BCL2L1: variants seen among roughly 807,000 people sequenced by gnomAD.
BCL2L1 encodes the protein BCL2 like 1, also known as bcl-2-like protein 1.
A neutral mutation model predicts 18.7 loss-of-function variants in BCL2L1; 1 was observed. The ratio of observed to expected loss-of-function variants is 0.05; its 90% CI spans 0.02 to 0.25. BCL2L1 has a LOEUF of 0.25. Ranked by LOEUF, BCL2L1 falls within the 10% of genes least tolerant of loss-of-function variation. The pLI is 1.00. For missense variants in BCL2L1, 207 were observed against 304.9 expected, an observed-to-expected ratio of 0.68 and a Z score of 2.39; for synonymous variants, 103 against 122.7, an observed-to-expected ratio of 0.84 and a Z score of 1.06.
chr20:31,703,423 C>G (rs2061315801), intron 2 of BCL2L1, among the ~76,000 whole-genome samples: 1 of 151,772 alleles, frequency 6.6e-6, no homozygotes, highest in Non-Finnish European at 1.5e-5. Context: ...AGGTGATCCA[C>G]CTGCTTTGGC....
intron 2 of BCL2L1, among the ~76,000 whole-genome samples, chr20:31,698,749 A>T (rs933945943): frequency 6.6e-6 from 1 of 152,072 alleles, no homozygotes; most frequent in African/African-American, 2.4e-5. Flanking sequence ...CATGTTGCCC[A>T]GGCTGGTCTC....
intron 2 of BCL2L1, among the ~76,000 whole-genome samples, chr20:31,667,266 G>T (rs988439231): frequency 2.6e-5 from 4 of 152,206 alleles, no homozygotes; most frequent in African/African-American, 7.2e-5. Context: ...TTCGAGACCA[G>T]CCTGGCCAAC....
At chr20:31,689,953 G>T (rs2061033398) in intron 2 of BCL2L1, among the ~76,000 whole-genome samples, 1 of 152,254 alleles carries the variant, frequency 6.6e-6, no homozygotes, top group East Asian at 1.9e-4. Flanking sequence ...GGAGGCGGAG[G>T]TTGCGGTGAG....
chr20:31,697,334 T>G (rs185493525), intron 2 of BCL2L1, among the ~76,000 whole-genome samples: 7 of 152,186 alleles, frequency 4.6e-5, no homozygotes, highest in Admixed American at 2.6e-4. Context: ...GGAGCCTGGA[T>G]AGAATATACA....
At chr20:31,688,457 A>G (rs528949120) in intron 2 of BCL2L1, among the ~76,000 whole-genome samples, 27 of 151,664 alleles carry the variant, frequency 1.8e-4, no homozygotes, top group African/African-American at 3.6e-4. Context: ...AAAAAAAAAA[A>G]AAAGAAAGAA....
At chr20:31,684,343 C>T (rs1370982672) in intron 2 of BCL2L1, among the ~76,000 whole-genome samples, 5 of 152,126 alleles carry the variant, frequency 3.3e-5, no homozygotes, top group Admixed American at 1.3e-4. Context: ...GGGGCTGCAC[C>T]GTGGGTGACA....
intron 2 of BCL2L1, among the ~76,000 whole-genome samples, chr20:31,670,940 C>A (rs2122444642): frequency 6.6e-6 from 1 of 152,298 alleles, no homozygotes; most frequent in East Asian, 1.9e-4. Context: ...CCCTACTGCA[C>A]CTTGGGTGGC....
At chr20:31,702,618 A>G (rs559538471) in intron 2 of BCL2L1, among the ~76,000 whole-genome samples, 125 of 151,724 alleles carry the variant, frequency 8.2e-4, no homozygotes, top group Non-Finnish European at 1.4e-3. Context: ...GGTTCAAGTG[A>G]TTCTCCTGCC....
chr20:31,690,068 T>C (rs554293131), intron 2 of BCL2L1, among the ~76,000 whole-genome samples: 1 of 152,208 alleles, frequency 6.6e-6, no homozygotes, highest in South Asian at 2.1e-4. Flanking sequence ...GCCCTGGAAA[T>C]AGTCCTTGGA....
chr20:31,705,689 G>A (rs550068738), intron 2 of BCL2L1, among the ~76,000 whole-genome samples: 1 of 152,282 alleles, frequency 6.6e-6, no homozygotes, highest in Admixed American at 6.5e-5. Context: ...AAAGGTGCTG[G>A]GTGCCAACTA....
chr20:31,705,055 C>T (rs1454768090), intron 2 of BCL2L1, among the ~76,000 whole-genome samples: 1 of 152,160 alleles, frequency 6.6e-6, no homozygotes, highest in African/African-American at 2.4e-5. Context: ...GCAACATTTA[C>T]TAGGGCCTTC....
chr20:31,712,721 G>C (rs1346923687), intron 2 of BCL2L1, among the ~76,000 whole-genome samples: 1 of 152,168 alleles, frequency 6.6e-6, no homozygotes, highest in Non-Finnish European at 1.5e-5. Context: ...CTCCTTGGAA[G>C]GGACACTATG....
At chr20:31,678,377 G>A (rs2060797615) in intron 2 of BCL2L1, among the ~76,000 whole-genome samples, 1 of 152,152 alleles carries the variant, frequency 6.6e-6, no homozygotes, top group Non-Finnish European at 1.5e-5. Context: ...TCCCCTGCCT[G>A]AGACTCTGGG....
rs771450454 is a variant in BCL2L1, at chr20:31,722,268, C to T, written c.-50G>A. 11 of 1,323,754 alleles carry T rather than the reference C, an allele frequency of 8.3e-6. No homozygotes were observed. Among genetic ancestry groups the T allele is most frequent in the Non-Finnish European group, 1.1e-5 (11 of 995,342 alleles). The allele number at this position is 1,323,754 out of a possible 1,614,324, so 82.0% of individuals were successfully genotyped here. A position where few individuals can be genotyped will look rare whatever the true frequency, so the allele number is the denominator to read the frequency against. The stretch of plus-strand genomic sequence containing the variant: ...CAGTCCATTGTCCAAAACACCTGCT[C>T]ACTCACTGAGTCTCGTCTCTGGTTA... On this transcript the variant is annotated 5_prime_UTR_variant, in exon 2 of 3. Coordinates refer to ENST00000307677, the MANE Select transcript of BCL2L1 (RefSeq NM_138578.3).
chr20:31,705,876 TCA>T (rs1185663691), intron 2 of BCL2L1, among the ~76,000 whole-genome samples: 2 of 152,110 alleles, frequency 1.3e-5, no homozygotes, highest in Non-Finnish European at 2.9e-5. Flanking sequence ...TACACATCTC[TCA>T]GTTTCATCAC....
At chr20:31,713,423 T>C (rs2061482377) in intron 2 of BCL2L1, 1 of 985,382 alleles carries the variant, frequency 1.0e-6, no homozygotes. Flanking sequence ...GGGACATTGC[T>C]TTCCAGTTTC....
chr20:31,717,066 G>C (rs2061548247), intron 2 of BCL2L1, among the ~76,000 whole-genome samples: 1 of 152,160 alleles, frequency 6.6e-6, no homozygotes, highest in South Asian at 2.1e-4. Flanking sequence ...GAGGTTGGGT[G>C]GGGACAGGGC....
chr20:31,720,945 G>A, intron 2 of BCL2L1: 1 of 985,384 alleles, frequency 1.0e-6, no homozygotes, highest in Non-Finnish European at 1.2e-6. Flanking sequence ...AAAGTCCCCT[G>A]GCTTAATGTG....
At chr20:31,673,068 C>CTTTT (rs906594378) in intron 2 of BCL2L1, among the ~76,000 whole-genome samples, 15 of 118,230 alleles carry the variant, frequency 1.3e-4, no homozygotes, top group Non-Finnish European at 2.1e-4. Context: ...GGTGTCCTTG[C>CTTTT]TTTTTTTTTT....
Sources: gnomAD v4.1 joint callset for allele counts (sites outside exome capture counted in the v4.1 genomes callset) on GRCh38, gnomAD v4.1.1 for gene constraint, MANE v1.5 for transcripts, NCBI Gene and HGNC (gene_info 2026-07-23, HGNC 2026-07-21) for gene names.